Variants in PSEN1 observed in about 807,000 individuals in gnomAD.
The protein encoded by PSEN1 is presenilin 1.
Under a neutral mutation model 53.5 loss-of-function variants are expected in PSEN1, and 15 were observed. The ratio of observed to expected loss-of-function variants is 0.28; its 90% CI spans 0.19 to 0.43. The LOEUF is 0.43. PSEN1 is among the 20% of genes least tolerant of loss of function. PSEN1 has a pLI of 1.00. For missense variants in PSEN1, 387 were observed against 571.2 expected (o/e 0.68, Z 3.29); for synonymous variants, 208 against 209.8 (o/e 0.99, Z 0.08).
chr14:73,140,780 G>T (rs80043006), intron 1 of PSEN1, among the ~76,000 whole-genome samples: 1 of 152,046 alleles, frequency 6.6e-6, no homozygotes, highest in Non-Finnish European at 1.5e-5. Context: ...GTCTTTGTTC[G>T]TTTTTATTGC....
chr14:73,218,606 T>C (rs1280942880), intron 11 of PSEN1, among the ~76,000 whole-genome samples: 1 of 152,174 alleles, frequency 6.6e-6, no homozygotes, highest in African/African-American at 2.4e-5. Flanking sequence ...AGCCTCATCA[T>C]GCTTCACGGA....
chr14:73,185,171 A>T (rs1371705100), intron 5 of PSEN1, among the ~76,000 whole-genome samples: 1 of 124,210 alleles, frequency 8.1e-6, no homozygotes, highest in Non-Finnish European at 1.7e-5. Flanking sequence ...ATGGGCGGCC[A>T]GGCAGAGACG....
chr14:73,154,136 G>T (rs1267886773), intron 3 of PSEN1, among the ~76,000 whole-genome samples: 1 of 152,078 alleles, frequency 6.6e-6, no homozygotes, highest in Non-Finnish European at 1.5e-5. Context: ...GCTTACATGC[G>T]TGCATGAAAT....
In PSEN1 at chr14:73,198,130, G is replaced by C. The variant is rs773074564; in HGVS notation, c.868+1G>C. The C allele has an allele frequency of 6.4e-7, 1 of 1,560,294 alleles. No homozygotes were observed. The highest frequency in any genetic ancestry group is 8.8e-7 in the Non-Finnish European group (1 of 1,132,038). On this transcript the variant is annotated splice_donor_variant, in intron 8 of 11. Transcript: ENST00000324501. LOFTEE classifies it high-confidence loss of function. ...CTTTTTCCAGCTCTCATTTACTCCT[G>C]TAAGTATTTGAGAAGGATATTGAAT...
At chr14:73,162,016 A>AG (rs57524406) in intron 3 of PSEN1, among the ~76,000 whole-genome samples, 1 of 145,362 alleles carries the variant, frequency 6.9e-6, no homozygotes, top group Non-Finnish European at 1.5e-5. Context: ...AAAAAAAAAA[A>AG]TAGAAAAAGA....
At chr14:73,208,253 A>G (rs893490966) in intron 9 of PSEN1, among the ~76,000 whole-genome samples, 3 of 152,190 alleles carry the variant, frequency 2.0e-5, no homozygotes, top group Admixed American at 6.5e-5. Flanking sequence ...GGTTCTTTCA[A>G]TCCTGCCATT....
At chr14:73,166,880 C>T (rs1897731860) in intron 3 of PSEN1, among the ~76,000 whole-genome samples, 1 of 152,182 alleles carries the variant, frequency 6.6e-6, no homozygotes, top group African/African-American at 2.4e-5. Flanking sequence ...ATCCTGACCT[C>T]CAGACTGAAG....
intron 6 of PSEN1, among the ~76,000 whole-genome samples, chr14:73,187,985 G>A (rs1898576606): frequency 6.6e-6 from 1 of 151,906 alleles, no homozygotes; most frequent in South Asian, 2.1e-4. Context: ...CTGGAGTGCA[G>A]TGGCATGATC....
chr14:73,145,794 A>C (rs1272764971), intron 1 of PSEN1, among the ~76,000 whole-genome samples: 1 of 152,124 alleles, frequency 6.6e-6, no homozygotes, highest in Admixed American at 6.6e-5. Context: ...GTGAAATCTT[A>C]ATTTTGTCCA....
chr14:73,189,550 T>A (rs377137048), intron 6 of PSEN1, among the ~76,000 whole-genome samples: 2 of 152,040 alleles, frequency 1.3e-5, no homozygotes, highest in South Asian at 4.2e-4. Flanking sequence ...AGATGGAGGT[T>A]GCTGTGAGCC....
At chr14:73,170,006 G>A (rs184598258) in intron 3 of PSEN1, among the ~76,000 whole-genome samples, 8 of 152,254 alleles carry the variant, frequency 5.3e-5, no homozygotes, top group Admixed American at 2.6e-4. Flanking sequence ...GGCAATTCCC[G>A]GAACTGAGGA....
chr14:73,151,355 A>G (rs1382634722), intron 3 of PSEN1, among the ~76,000 whole-genome samples: 1 of 152,170 alleles, frequency 6.6e-6, no homozygotes, highest in African/African-American at 2.4e-5. Flanking sequence ...TCTCAAAGAT[A>G]GTTGCTGTGA....
intron 3 of PSEN1, among the ~76,000 whole-genome samples, chr14:73,163,310 G>T (rs990186551): frequency 2.0e-5 from 3 of 152,170 alleles, no homozygotes; most frequent in African/African-American, 7.2e-5. Flanking sequence ...GGACTCGATG[G>T]CTCATGCCTG....
chr14:73,154,565 C>T (rs1195113623), intron 3 of PSEN1, among the ~76,000 whole-genome samples: 1 of 152,060 alleles, frequency 6.6e-6, no homozygotes, highest in Admixed American at 6.6e-5. Context: ...CATGCCACTG[C>T]ACTTCAACCT....
chr14:73,219,443 C>T lies in PSEN1; in HGVS notation c.*154C>T, dbSNP rs1900061293. 3.6e-6 allele frequency: 3 copies of T among 833,622 alleles called. No homozygotes were observed. The highest frequency in any genetic ancestry group is 4.0e-5 in the Admixed American group (2 of 49,396). 51.6% of individuals were successfully genotyped at this position (833,622 alleles called of 1,614,324 possible). ...CTTCCAAGTCTTCCTGACCACCTTG[C>T]ACTATTGGACTTTGGAAGGAGGTGC... On this transcript the variant is annotated 3_prime_UTR_variant, in exon 12 of 12. Transcript: ENST00000324501.
intron 3 of PSEN1, among the ~76,000 whole-genome samples, chr14:73,159,819 T>C (rs552133556): frequency 4.2e-4 from 64 of 152,286 alleles, no homozygotes; most frequent in African/African-American, 1.5e-3. Flanking sequence ...CATGGACTAC[T>C]TGAGTTTTTT....
chr14:73,151,631 C>A (rs1399022593), intron 3 of PSEN1, among the ~76,000 whole-genome samples: 1 of 152,012 alleles, frequency 6.6e-6, no homozygotes, highest in Non-Finnish European at 1.5e-5. Context: ...TCTAAACTCA[C>A]TGCAACCTCG....
At position 73,192,734 on chromosome 14, in the gene PSEN1, T is replaced by A; in HGVS notation, c.639T>A (p.Ile213=). The part of the protein sequence containing the change: ...WNFGVVGMIS[I]HWKGPLRLQQ... ...TTGGTGTGGTGGGAATGATTTCCAT[T>A]CACTGGAAAGGTCCACTTCGACTCC... The change falls in exon 7 of 12, where the codon ATT becomes ATA. Residue 213 remains isoleucine, a synonymous_variant. Coordinates refer to ENST00000324501, the MANE Select transcript of PSEN1 (RefSeq NM_000021.4). The A allele has an allele frequency of 6.2e-7, 1 of 1,614,136 alleles. No individual in the cohort carries two copies. Among genetic ancestry groups the A allele is most frequent in the Middle Eastern group, 1.6e-4 (1 of 6,062 alleles).
At chr14:73,179,710 G>A (rs755917507) in intron 5 of PSEN1, among the ~76,000 whole-genome samples, 4 of 152,192 alleles carry the variant, frequency 2.6e-5, no homozygotes, top group Non-Finnish European at 5.9e-5. Flanking sequence ...GTCTTCTGGA[G>A]CTCCCATTGT....
Sources: allele counts gnomAD v4.1 joint callset (sites outside exome capture counted in the v4.1 genomes callset), GRCh38; gene constraint gnomAD v4.1.1; transcripts MANE v1.5; gene names NCBI Gene and HGNC (gene_info 2026-07-23, HGNC 2026-07-21).